The following INPP5A variants were observed in gnomAD, a reference collection of about 807,000 sequenced individuals.
The protein encoded by INPP5A is 43 kDa inositol polyphosphate 5-phophatase.
Under a neutral mutation model 65.2 loss-of-function variants are expected in INPP5A, and 14 were observed. The ratio of observed to expected loss-of-function variants is 0.21; its 90% CI spans 0.14 to 0.34. The LOEUF is 0.34. Among genes scored for constraint, INPP5A ranks in the 10% least tolerant of loss-of-function variants. The probability of loss-of-function intolerance (pLI) is 1.00; values close to 1 mark genes in which losing one functional copy is unlikely to be tolerated. For synonymous variants in INPP5A, 207 were observed against 208.3 expected (o/e 0.99, Z 0.05); for missense variants, 431 against 545.6 (o/e 0.79, Z 2.09).
Position 132,663,421 on chromosome 10 carries a change from G to C in INPP5A, c.306+12916G>C, listed in dbSNP as rs1018829449. 3.3e-5 allele frequency among the ~76,000 whole-genome samples: 5 copies of C among 152,088 alleles called. No homozygotes were observed. Among genetic ancestry groups the C allele is most frequent in the Non-Finnish European group, 7.4e-5 (5 of 68,014 alleles). On this transcript the variant is annotated intron_variant, in intron 4 of 15. Coordinates refer to ENST00000368594, the MANE Select transcript of INPP5A (RefSeq NM_005539.5). This position sits in a 1 kb window ranked among gnomAD's most constrained non-coding sequence, Gnocchi z 4.5. ...CTGTTTATAGAGACTGGGTGTCACC[G>C]TGTTGCCCAGTCAGGTCTCCAACTC...
chr10:132,557,101 G>A (rs920376164), intron 1 of INPP5A, among the ~76,000 whole-genome samples: 8 of 152,222 alleles, frequency 5.3e-5, no homozygotes, highest in African/African-American at 1.9e-4. Context: ...AGGTCTGAGT[G>A]GAGATTTGGT....
At chr10:132,602,335 A>G (rs924938603) in intron 1 of INPP5A, among the ~76,000 whole-genome samples, 9 of 152,138 alleles carry the variant, frequency 5.9e-5, no homozygotes, top group Admixed American at 3.3e-4. Context: ...TCGTTCTGTC[A>G]CCTAGGCTGA....
At chr10:132,653,532 C>G (rs1472742798) in intron 4 of INPP5A, among the ~76,000 whole-genome samples, 1 of 152,100 alleles carries the variant, frequency 6.6e-6, no homozygotes, top group African/African-American at 2.4e-5. Context: ...GTGGTTCCAG[C>G]AAAACAGTCG....
rs111770695 is a variant in INPP5A, at chr10:132,688,744, G to A, written c.307-1648G>A. On this transcript the variant is annotated intron_variant, in intron 4 of 15. Transcript: ENST00000368594. ...ATTGTGTGCATGAATGTGTGCAAGT[G>A]TGTGAGCAAGTGCATGTGAGTGCAC... 3.0e-3 allele frequency among the ~76,000 whole-genome samples: 449 copies of A among 152,054 alleles called. 3 individuals carry two copies. Among genetic ancestry groups the A allele is most frequent in the African/African-American group, 0.011 (437 of 41,480 alleles).
Position 132,651,819 on chromosome 10 carries a change from G to T in INPP5A, c.306+1314G>T, listed in dbSNP as rs1202158528. 6.6e-6 allele frequency among the ~76,000 whole-genome samples: 1 copy of T among 152,210 alleles called. No individual in the cohort carries two copies. Among genetic ancestry groups the T allele is most frequent in the Non-Finnish European group, 1.5e-5 (1 of 68,042 alleles). On this transcript the variant is annotated intron_variant, in intron 4 of 15. Coordinates refer to ENST00000368594, the MANE Select transcript of INPP5A (RefSeq NM_005539.5). This position sits in a 1 kb window ranked among gnomAD's most constrained non-coding sequence, Gnocchi z 5.0. ...GATGGTCACACAGCTGTCATGCGTG[G>T]TCCCCACCAGTAGTGGAGTCTGTAC...
At chr10:132,719,902 G>A (rs1845831761) in intron 8 of INPP5A, among the ~76,000 whole-genome samples, 1 of 150,450 alleles carries the variant, frequency 6.6e-6, no homozygotes, top group African/African-American at 2.5e-5. Context: ...GGGTTCTGTG[G>A]TACCTGGGTT....
At position 132,674,604 on chromosome 10, in the gene INPP5A, C is replaced by T. The variant is rs771188667; in HGVS notation, c.307-15788C>T. ...GAGACCATGGGCATTTGAGCCACGT[C>T]GTCATGTAACTTACTTGTGCCTTCA... On this transcript the variant is annotated intron_variant, in intron 4 of 15. Transcript: ENST00000368594. This position sits in a 1 kb window ranked among gnomAD's most constrained non-coding sequence, Gnocchi z 4.4. Among the ~76,000 whole-genome samples, 4 of 152,164 alleles carry T rather than the reference C, an allele frequency of 2.6e-5. No homozygotes were observed. Among genetic ancestry groups the T allele is most frequent in the Non-Finnish European group, 5.9e-5 (4 of 68,034 alleles).
chr10:132,725,938 G>A (rs1296483492), intron 8 of INPP5A, among the ~76,000 whole-genome samples: 3 of 151,956 alleles, frequency 2.0e-5, no homozygotes, highest in East Asian at 3.9e-4. Context: ...CCAATGCCAC[G>A]TTGCAAGGGT....
intron 5 of INPP5A, among the ~76,000 whole-genome samples, chr10:132,691,212 T>G (rs1313043531): frequency 6.6e-6 from 1 of 151,904 alleles, no homozygotes; most frequent in East Asian, 1.9e-4. Context: ...GTTGCTTGAG[T>G]GGTGATTTCA....
At chr10:132,684,407 G>A (rs749327609) in intron 4 of INPP5A, among the ~76,000 whole-genome samples, 2 of 152,192 alleles carry the variant, frequency 1.3e-5, no homozygotes, top group Non-Finnish European at 2.9e-5. Context: ...ATGTATGTGT[G>A]TGTATTACAT....
At position 132,545,183 on chromosome 10, in the gene INPP5A, G is replaced by T; in HGVS notation, c.75+7012G>T. ...CACGGCTCTGGGATGGCTGTGCTCG[G>T]TGGGGGTCTGATTTTGGGGGAAGAG... is the stretch of plus-strand genomic sequence containing the variant. On this transcript the variant is annotated intron_variant, in intron 1 of 15. Transcript: ENST00000368594. The surrounding 1 kb of genome is among the most constrained non-coding windows in gnomAD (Gnocchi z 4.6). Among the ~76,000 whole-genome samples the T allele has an allele frequency of 6.6e-6, 1 of 152,206 alleles. No homozygotes were observed. Among genetic ancestry groups the T allele is most frequent in the East Asian group, 1.9e-4 (1 of 5,202 alleles).
intron 4 of INPP5A, among the ~76,000 whole-genome samples, chr10:132,689,110 G>A (rs965137761): frequency 1.3e-5 from 2 of 152,240 alleles, no homozygotes; most frequent in Non-Finnish European, 1.5e-5. Context: ...TTGGAATGAG[G>A]TGATACTCAG....
At chr10:132,573,169 G>T (rs1441175526) in intron 1 of INPP5A, among the ~76,000 whole-genome samples, 6 of 143,372 alleles carry the variant, frequency 4.2e-5, no homozygotes, top group Admixed American at 3.5e-4. Flanking sequence ...GTGAGGTTTT[G>T]TTGCGATGTT....
chr10:132,662,573 G>A (rs2072750289), intron 4 of INPP5A, among the ~76,000 whole-genome samples: 1 of 152,214 alleles, frequency 6.6e-6, no homozygotes, highest in Non-Finnish European at 1.5e-5. Context: ...AACACAGATA[G>A]TGGTTTCCCG....
Position 132,637,896 on chromosome 10 carries a change from C to T in INPP5A, c.118-7972C>T, listed in dbSNP as rs550800830. 1.3e-5 allele frequency among the ~76,000 whole-genome samples: 2 copies of T among 152,122 alleles called. No individual in the cohort carries two copies. The highest frequency in any genetic ancestry group is 3.9e-4 in the East Asian group (2 of 5,162). On this transcript the variant is annotated intron_variant, in intron 2 of 15. Coordinates refer to ENST00000368594, the MANE Select transcript of INPP5A (RefSeq NM_005539.5). This position sits in a 1 kb window ranked among gnomAD's most constrained non-coding sequence, Gnocchi z 4.1. Reference sequence around the variant, plus strand: ...ACGTTTTCCTCAGTTTGTGTGTGTACAATTTTTTGTCTTTTTTTTACAGCC... The same window carrying T: ...ACGTTTTCCTCAGTTTGTGTGTGTATAATTTTTTGTCTTTTTTTTACAGCC...
chr10:132,653,479 G>GT (rs2072608281), intron 4 of INPP5A, among the ~76,000 whole-genome samples: 1 of 152,138 alleles, frequency 6.6e-6, no homozygotes, highest in Non-Finnish European at 1.5e-5. Flanking sequence ...TACGAGCTCT[G>GT]GGGTTGTTCT....
intron 5 of INPP5A, among the ~76,000 whole-genome samples, chr10:132,696,987 C>G (rs1330830523): frequency 6.6e-6 from 1 of 152,232 alleles, no homozygotes; most frequent in East Asian, 1.9e-4. Flanking sequence ...GGATAATACC[C>G]CAGAAACTGC....
chr10:132,659,554 C>T lies in INPP5A; in HGVS notation c.306+9049C>T, dbSNP rs2072707383. ...CCTTCTCAGCGAGCAGCTCCCATGG[C>T]AGTCCATTCATTCAACATGCCCTGG... On this transcript the variant is annotated intron_variant, in intron 4 of 15. Transcript: ENST00000368594. The surrounding 1 kb of genome is among the most constrained non-coding windows in gnomAD (Gnocchi z 5.5). Among the ~76,000 whole-genome samples the T allele has an allele frequency of 6.6e-6, 1 of 152,238 alleles. No homozygotes were observed. Among genetic ancestry groups the T allele is most frequent in the Non-Finnish European group, 1.5e-5 (1 of 68,038 alleles).
Position 132,653,138 on chromosome 10 carries a change from G to C in INPP5A, c.306+2633G>C, listed in dbSNP as rs1162470334. Among the ~76,000 whole-genome samples, 4 of 152,222 alleles carry C rather than the reference G, an allele frequency of 2.6e-5. No homozygotes were observed. In the East Asian group the frequency reaches 7.7e-4, roughly 29 times the overall value. ...CAGGCCTCTCCGTCTGTCCGAGCCTGGCTGGGATACCTGAGAGCGAGGCAC... is the reference window on the plus strand; with the variant it reads ...CAGGCCTCTCCGTCTGTCCGAGCCTCGCTGGGATACCTGAGAGCGAGGCAC... On this transcript the variant is annotated intron_variant, in intron 4 of 15. Transcript: ENST00000368594.
Sources: gnomAD v4.1 joint callset for allele counts (sites outside exome capture counted in the v4.1 genomes callset) on GRCh38, gnomAD v4.1.1 for gene constraint, Gnocchi (gnomAD v3.1) non-coding constraint, MANE v1.5 for transcripts, NCBI Gene and HGNC (gene_info 2026-07-23, HGNC 2026-07-21) for gene names.